PRKAA2: variants seen among roughly 807,000 people sequenced by gnomAD.
The protein encoded by PRKAA2 is protein kinase AMP-activated catalytic subunit alpha 2, also known as 5'-AMP-activated protein kinase catalytic subunit alpha-2.
Under a neutral mutation model 56.3 loss-of-function variants are expected in PRKAA2, and 40 were observed. The ratio of observed to expected loss-of-function variants is 0.71; its 90% CI spans 0.55 to 0.92. PRKAA2 has a LOEUF of 0.92. Ranked by LOEUF, PRKAA2 falls within the 40% of genes least tolerant of loss-of-function variation. The pLI is 0.00. For synonymous variants in PRKAA2, 214 were observed against 234.2 expected (o/e 0.91, Z 0.79); for missense variants, 542 against 686.9 (o/e 0.79, Z 2.36).
intron 1 of PRKAA2, among the ~76,000 whole-genome samples, chr1:56,658,602 T>A (rs555335446): frequency 1.6e-5 from 2 of 124,772 alleles, no homozygotes; most frequent in Admixed American, 8.1e-5. Flanking sequence ...CCCCCCGCCA[T>A]TTTTTGTTTG....
chr1:56,692,651 A>G, intron 4 of PRKAA2, 149 bp downstream of exon 4: 2 of 667,996 alleles, frequency 3.0e-6, no homozygotes, highest in Non-Finnish European at 2.2e-6. Flanking sequence ...TTTTTTTTTC[A>G]TTTAATTAAA....
Position 56,706,076 on chromosome 1 carries a change from T to A in PRKAA2, c.1294-16T>A. The stretch of plus-strand genomic sequence containing the variant: ...ATATTTTGTAGTTTATTATTTTTAT[T>A]GATTTTTCACTTTAGGTAGTGAATG... On this transcript the variant is annotated splice_polypyrimidine_tract_variant and intron_variant, in intron 7 of 8. Coordinates refer to ENST00000371244, the MANE Select transcript of PRKAA2 (RefSeq NM_006252.4). 6.3e-7 allele frequency: 1 copy of A among 1,586,032 alleles called. No individual in the cohort carries two copies. The highest frequency in any genetic ancestry group is 8.6e-7 in the Non-Finnish European group (1 of 1,164,918).
intron 1 of PRKAA2, among the ~76,000 whole-genome samples, chr1:56,651,471 A>G (rs1239577405): frequency 2.0e-5 from 3 of 152,176 alleles, no homozygotes; most frequent in African/African-American, 7.2e-5. Flanking sequence ...TTCCAGTGCT[A>G]TTAAGTGGTA....
At chr1:56,699,549 A>G (rs1019004163) in intron 6 of PRKAA2, among the ~76,000 whole-genome samples, 1 of 152,200 alleles carries the variant, frequency 6.6e-6, no homozygotes, top group African/African-American at 2.4e-5. Context: ...TAAATTAATG[A>G]ATTAGAAATC....
intron 1 of PRKAA2, among the ~76,000 whole-genome samples, chr1:56,658,589 C>A (rs997026569): frequency 1.4e-5 from 1 of 70,446 alleles, no homozygotes; most frequent in Non-Finnish European, 3.4e-5. Context: ...TTTTTTCTTC[C>A]CCCCCCCCGC....
rs751771739 is a variant in PRKAA2, at chr1:56,692,399, G to C, written c.372G>C (p.Leu124=). The part of the protein sequence containing the change: ...MEARRLFQQI[L]SAVDYCHRHM... ...CCAGGCGGCTCTTTCAGCAGATTCT[G>C]TCTGCTGTGGATTACTGTCATAGGC... Residue 124 remains leucine, a synonymous_variant, in exon 4 of 9, where the codon CTG becomes CTC. Coordinates refer to ENST00000371244, the MANE Select transcript of PRKAA2 (RefSeq NM_006252.4). The C allele has an allele frequency of 6.2e-7, 1 of 1,613,894 alleles. No homozygotes were observed. Among genetic ancestry groups the C allele is most frequent in the South Asian group, 1.1e-5 (1 of 91,068 alleles).
In PRKAA2 at chr1:56,691,382, T is replaced by C. The variant is rs370076449; in HGVS notation, c.237-12T>C. On this transcript the variant is annotated splice_polypyrimidine_tract_variant and intron_variant, in intron 2 of 8. Transcript: ENST00000371244. ...AACATACTTTGTTAACTTTTTTTAA[T>C]TAACAAAAAAGATACCAGGTGATCA... is the stretch of plus-strand genomic sequence containing the variant. The C allele has an allele frequency of 6.3e-7, 1 of 1,598,416 alleles. No homozygotes were observed. Among genetic ancestry groups the C allele is most frequent in the African/African-American group, 1.3e-5 (1 of 74,608 alleles).
chr1:56,692,563 T>C, intron 4 of PRKAA2, 61 bp downstream of exon 4: 3 of 1,525,334 alleles, frequency 2.0e-6, no homozygotes, highest in Non-Finnish European at 1.8e-6. Context: ...TAACAACTCA[T>C]TGAACTAAGA....
intron 2 of PRKAA2, among the ~76,000 whole-genome samples, chr1:56,678,853 A>G (rs867426347): frequency 3.3e-5 from 5 of 151,712 alleles, no homozygotes; most frequent in Non-Finnish European, 7.4e-5. Context: ...ACACCACCAC[A>G]CCCAGCTAAT....
rs1644330255 is a variant in PRKAA2, at chr1:56,706,123, G to GA, written c.1331dup (p.Asn444LysfsTer18). 1.2e-6 allele frequency: 2 copies of GA among 1,612,198 alleles called. No individual in the cohort carries two copies. Among genetic ancestry groups the GA allele is most frequent in the Non-Finnish European group, 1.7e-6 (2 of 1,178,500 alleles). On this transcript the variant is annotated frameshift_variant, in exon 8 of 9. Transcript: ENST00000371244. LOFTEE classifies it high-confidence loss of function. Reference sequence around the variant, plus strand: ...AATGCATACCATCTTCGTGTAAGAAGAAAAAATCCAGTGACTGGCAATTAC... The same window carrying GA: ...AATGCATACCATCTTCGTGTAAGAAGAAAAAAATCCAGTGACTGGCAATTAC...
intron 1 of PRKAA2, among the ~76,000 whole-genome samples, chr1:56,653,139 G>A (rs1036133202): frequency 1.7e-5 from 2 of 119,128 alleles, no homozygotes; most frequent in African/African-American, 6.0e-5. Flanking sequence ...TTAAATATTG[G>A]TTCCAAATAA....
intron 1 of PRKAA2, among the ~76,000 whole-genome samples, chr1:56,652,008 A>ATTT (rs35462805): frequency 4.7e-5 from 5 of 106,514 alleles, no homozygotes; most frequent in African/African-American, 7.6e-5. Flanking sequence ...CGCCTGGCTA[A>ATTT]TTTTTTTTTT....
intron 2 of PRKAA2, among the ~76,000 whole-genome samples, chr1:56,677,245 C>T (rs181660182): frequency 1.1e-3 from 174 of 152,288 alleles, no homozygotes; most frequent in Admixed American, 2.0e-3. Flanking sequence ...AATTCCAGTC[C>T]TCTTTCATTA....
At chr1:56,651,877 T>C (rs1643901715) in intron 1 of PRKAA2, among the ~76,000 whole-genome samples, 2 of 151,870 alleles carry the variant, frequency 1.3e-5, no homozygotes. Flanking sequence ...AGTCTGGCTC[T>C]GTCGCCCAGG....
chr1:56,691,441 A>G lies in PRKAA2; in HGVS notation c.284A>G (p.Tyr95Cys). 6.2e-7 allele frequency: 1 copy of G among 1,612,832 alleles called. No homozygotes were observed. The highest frequency in any genetic ancestry group is 8.5e-7 in the Non-Finnish European group (1 of 1,179,128). Residue 95 changes from tyrosine (Y) to cysteine (C), a missense_variant, in exon 3 of 9, where the codon TAT (tyrosine) becomes TGT (cysteine). Transcript: ENST00000371244. Reference sequence around the variant, plus strand: ...ACAGATTTTTTTATGGTAATGGAATATGTGTCTGGAGGTGAATTATTTGAC... The same window carrying G: ...ACAGATTTTTTTATGGTAATGGAATGTGTGTCTGGAGGTGAATTATTTGAC... ...TPTDFFMVME[Y>C]VSGGELFDYI...
At chr1:56,678,305 AT>A (rs1481967997) in intron 2 of PRKAA2, among the ~76,000 whole-genome samples, 2 of 152,248 alleles carry the variant, frequency 1.3e-5, no homozygotes, top group African/African-American at 4.8e-5. Flanking sequence ...AGTGTTAGTG[AT>A]TTAAACAGAG....
Position 56,645,374 on chromosome 1 carries a change from C to G in PRKAA2, c.-14C>G, listed in dbSNP as rs541961658. 3 of 1,462,814 alleles carry G rather than the reference C, an allele frequency of 2.1e-6. No individual in the cohort carries two copies. Among genetic ancestry groups the G allele is most frequent in the Non-Finnish European group, 1.8e-6 (2 of 1,097,996 alleles). 90.6% of individuals were successfully genotyped at this position (1,462,814 alleles called of 1,614,324 possible). ...GGAGCGGCAGGCGGTGGAGCGAGGC[C>G]GCGCGCGCCGAAGATGGCTGAGAAG... On this transcript the variant is annotated 5_prime_UTR_variant, in exon 1 of 9. Coordinates refer to ENST00000371244, the MANE Select transcript of PRKAA2 (RefSeq NM_006252.4).
chr1:56,652,316 C>T (rs758780549), intron 1 of PRKAA2, among the ~76,000 whole-genome samples: 18 of 151,856 alleles, frequency 1.2e-4, no homozygotes, highest in South Asian at 4.2e-4. Context: ...CGGCCTCACC[C>T]GGCTAATTTT....
intron 1 of PRKAA2, among the ~76,000 whole-genome samples, chr1:56,664,235 G>C (rs933977286): frequency 2.0e-5 from 3 of 151,964 alleles, no homozygotes; most frequent in South Asian, 2.1e-4. Context: ...TTAATGCTTC[G>C]ATATAAATTT....
Sources: gnomAD v4.1 joint callset for allele counts (sites outside exome capture counted in the v4.1 genomes callset) on GRCh38, gnomAD v4.1.1 for gene constraint, MANE v1.5 for transcripts, NCBI Gene and HGNC (gene_info 2026-07-23, HGNC 2026-07-21) for gene names.